The following HDAC8 variants were observed in gnomAD, a reference collection of about 807,000 sequenced individuals.
HDAC8 encodes histone deacetylase-like 1.
In HDAC8, 1 loss-of-function variant was observed where a neutral mutation model predicts 32.2. The ratio of observed to expected loss-of-function variants is 0.03; its 90% CI spans 0.01 to 0.15. The LOEUF (loss-of-function observed/expected upper bound fraction) is 0.15, where lower values mean the gene tolerates loss of function less well. Ranked by LOEUF, HDAC8 falls within the 10% of genes least tolerant of loss-of-function variation. The probability of loss-of-function intolerance (pLI) is 1.00; values close to 1 mark genes in which losing one functional copy is unlikely to be tolerated. For missense variants in HDAC8, 117 were observed against 300.0 expected (o/e 0.39, Z 4.51); for synonymous variants, 108 against 113.9 (o/e 0.95, Z 0.33).
chrX:72,383,551 C>T (rs1159086631), intron 9 of HDAC8, among the ~76,000 whole-genome samples: 2 of 112,237 alleles, frequency 1.8e-5, no homozygotes, highest in Non-Finnish European at 3.8e-5. Context: ...CAAAGAATTG[C>T]TTTTGTGAAT....
chrX:72,504,772 C>T (rs1036663508), intron 4 of HDAC8, among the ~76,000 whole-genome samples: 1 of 112,045 alleles, frequency 8.9e-6, no homozygotes, highest in Non-Finnish European at 1.9e-5. Context: ...GAGGAACGAC[C>T]AAACTGTTTT....
intron 9 of HDAC8, among the ~76,000 whole-genome samples, chrX:72,454,467 A>G (rs2047670392): frequency 8.9e-6 from 1 of 112,640 alleles, no homozygotes; most frequent in Admixed American, 9.4e-5. Context: ...CTTTACTTAA[A>G]AAAACTGGGT....
intron 7 of HDAC8, among the ~76,000 whole-genome samples, chrX:72,482,727 T>G (rs1556003807): frequency 9.0e-6 from 1 of 111,641 alleles, no homozygotes; most frequent in Admixed American, 9.5e-5. Context: ...GGGGACAATA[T>G]AGTCAATAGT....
chrX:72,343,364 G>A (rs2043938811), intron 10 of HDAC8, among the ~76,000 whole-genome samples: 3 of 109,711 alleles, frequency 2.7e-5, no homozygotes, highest in Non-Finnish European at 3.8e-5. Context: ...GTAGAGACAG[G>A]GTTTTGCCAT....
At chrX:72,403,501 A>G (rs1458765751) in intron 9 of HDAC8, among the ~76,000 whole-genome samples, 4 of 112,066 alleles carry the variant, frequency 3.6e-5, no homozygotes, top group African/African-American at 1.3e-4. Flanking sequence ...CATTGTTATA[A>G]TTGTTATTTT....
At chrX:72,444,056 C>T (rs1425591663) in intron 9 of HDAC8, among the ~76,000 whole-genome samples, 1 of 109,801 alleles carries the variant, frequency 9.1e-6, no homozygotes, top group African/African-American at 3.4e-5. Flanking sequence ...AGCTTACCAA[C>T]CAAAAAGAGT....
At chrX:72,453,522 A>AAGAAAGAAAGAAAGAG (rs782484053) in intron 9 of HDAC8, among the ~76,000 whole-genome samples, 3 of 74,109 alleles carry the variant, frequency 4.0e-5, no homozygotes, top group Admixed American at 1.4e-4. Context: ...GAAAGAAAGA[A>AAGAAAGAAAGAAAGAG]AAAGAAAGAA....
At chrX:72,558,780 G>A (rs1350198970) in intron 4 of HDAC8, among the ~76,000 whole-genome samples, 2 of 110,194 alleles carry the variant, frequency 1.8e-5, no homozygotes, top group Admixed American at 1.9e-4. Context: ...CACCCAAATC[G>A]GTAAAGAGGA....
intron 4 of HDAC8, among the ~76,000 whole-genome samples, chrX:72,501,377 A>G (rs2049211930): frequency 8.9e-6 from 1 of 112,156 alleles, no homozygotes; most frequent in Admixed American, 9.5e-5. Context: ...ACTACACTAC[A>G]GGCTGACAGT....
chrX:72,463,578 T>C (rs1024613670), intron 8 of HDAC8, among the ~76,000 whole-genome samples: 3 of 111,949 alleles, frequency 2.7e-5, no homozygotes, highest in African/African-American at 6.5e-5. Context: ...CACACAGTAC[T>C]TATCAATTTT....
intron 9 of HDAC8, among the ~76,000 whole-genome samples, chrX:72,453,522 A>AAGAAAGAAAGAAAG (rs782484053): frequency 1.3e-5 from 1 of 74,109 alleles, no homozygotes; most frequent in East Asian, 3.4e-4. Context: ...GAAAGAAAGA[A>AAGAAAGAAAGAAAG]AAAGAAAGAA....
At chrX:72,344,082 T>A (rs2043959998) in intron 10 of HDAC8, among the ~76,000 whole-genome samples, 2 of 111,737 alleles carry the variant, frequency 1.8e-5, no homozygotes, top group Non-Finnish European at 3.8e-5. Context: ...TGAATTCTAC[T>A]CCACCCAGCA....
intron 9 of HDAC8, among the ~76,000 whole-genome samples, chrX:72,392,860 A>G (rs896286709): frequency 8.9e-6 from 1 of 112,077 alleles, no homozygotes; most frequent in African/African-American, 3.2e-5. Context: ...CAAAGACTTT[A>G]AAAAATTATT....
At chrX:72,376,155 C>T (rs782400457) in intron 9 of HDAC8, among the ~76,000 whole-genome samples, 4 of 111,056 alleles carry the variant, frequency 3.6e-5, no homozygotes, top group South Asian at 7.6e-4. Flanking sequence ...GCGATCCTCA[C>T]GCCTTGGCCT....
At position 72,329,959 on chromosome X, in the gene HDAC8, T is replaced by C; in HGVS notation, c.*95A>G. 2 of 936,977 alleles carry C rather than the reference T, an allele frequency of 2.1e-6. No homozygotes were observed. The highest frequency in any genetic ancestry group is 3.0e-6 in the Non-Finnish European group (2 of 657,304). The allele number at this position is 936,977 out of a possible 1,213,427, so 77.2% of individuals were successfully genotyped here. ...GAAGTAATTTCTTTCAAATTTTCCCTGCAGTCACAAATTCCACAAACTGCT... is the reference window on the plus strand; with the variant it reads ...GAAGTAATTTCTTTCAAATTTTCCCCGCAGTCACAAATTCCACAAACTGCT... On this transcript the variant is annotated 3_prime_UTR_variant, in exon 11 of 11. Transcript: ENST00000373573.
At chrX:72,571,553 CTTTTTTTTTTTTTTTTTTT>C (rs782331910) in intron 2 of HDAC8, among the ~76,000 whole-genome samples, 62 of 30,447 alleles carry the variant, frequency 2.0e-3, no homozygotes, top group African/African-American at 6.2e-3. Flanking sequence ...TTCTTTCTTT[CTTTTTTTTTTTTTTTTTTT>C]TTTTTTTTTT....
chrX:72,567,466 C>T (rs1603241420), intron 4 of HDAC8: 1 of 312,335 alleles, frequency 3.2e-6, no homozygotes. Context: ...ACATATATTC[C>T]ATTGGTACCA....
intron 9 of HDAC8, among the ~76,000 whole-genome samples, chrX:72,379,490 G>GTTTTTTTTTTTTTTTTTTT (rs1191306787): frequency 5.1e-5 from 2 of 38,893 alleles, no homozygotes; most frequent in Non-Finnish European, 4.4e-5. Context: ...TTTGTTTAGT[G>GTTTTTTTTTTTTTTTTTTT]TTTTTTTTTT....
intron 4 of HDAC8, among the ~76,000 whole-genome samples, chrX:72,516,322 G>C (rs2049800554): frequency 1.8e-5 from 2 of 111,297 alleles, no homozygotes; most frequent in South Asian, 7.7e-4. Context: ...GCTTTCTTAA[G>C]GTTGTCAACT....
Sources: allele counts gnomAD v4.1 joint callset (sites outside exome capture counted in the v4.1 genomes callset), GRCh38; gene constraint gnomAD v4.1.1; transcripts MANE v1.5; gene names NCBI Gene and HGNC (gene_info 2026-07-23, HGNC 2026-07-21).